Variants in CCSER1 observed in about 807,000 individuals in gnomAD.
The protein encoded by CCSER1 is serine-rich coiled-coil domain-containing protein 1.
A neutral mutation model predicts 82.0 loss-of-function variants in CCSER1; 41 were observed. The observed-to-expected ratio is 0.50, with a 90% confidence interval of 0.39 to 0.65. CCSER1 has a LOEUF of 0.65. CCSER1 is among the 30% of genes least tolerant of loss of function. The probability of loss-of-function intolerance (pLI) is 0.00; values close to 1 mark genes in which losing one functional copy is unlikely to be tolerated. For missense variants in CCSER1, 1,119 were observed against 1,064.2 expected (o/e 1.05, Z -0.72); for synonymous variants, 414 against 383.9 (o/e 1.08, Z -0.92).
intron 10 of CCSER1, among the ~76,000 whole-genome samples, chr4:91,552,646 T>A (rs748750328): frequency 1.3e-5 from 2 of 151,498 alleles, no homozygotes; most frequent in Non-Finnish European, 2.9e-5. Flanking sequence ...CTCAAAAGAG[T>A]GGAAGCAACA....
At chr4:90,195,719 T>TA (rs1019778165) in intron 1 of CCSER1, among the ~76,000 whole-genome samples, 1 of 152,080 alleles carries the variant, frequency 6.6e-6, no homozygotes, top group African/African-American at 2.4e-5. Context: ...CTCTAAAAAA[T>TA]AAAATCTGTT....
intron 1 of CCSER1, among the ~76,000 whole-genome samples, chr4:90,264,082 G>C (rs532956740): frequency 2.4e-3 from 372 of 152,294 alleles, no homozygotes; most frequent in Non-Finnish European, 4.3e-3. Flanking sequence ...ATAGTAAAGA[G>C]GACCTCTTGT....
chr4:91,157,733 C>T (rs185242265), intron 10 of CCSER1, among the ~76,000 whole-genome samples: 4 of 151,910 alleles, frequency 2.6e-5, no homozygotes, highest in African/African-American at 9.7e-5. Context: ...AAACCTGATG[C>T]CCTAAGTACA....
intron 6 of CCSER1, among the ~76,000 whole-genome samples, chr4:90,706,633 T>C (rs1011986542): frequency 6.6e-6 from 1 of 152,136 alleles, no homozygotes; most frequent in Non-Finnish European, 1.5e-5. Context: ...TTGAGAGAAT[T>C]TGGACAAGGA....
intron 10 of CCSER1, among the ~76,000 whole-genome samples, chr4:91,263,756 AAAT>A (rs1352532265): frequency 1.3e-5 from 2 of 152,008 alleles, no homozygotes; most frequent in African/African-American, 4.8e-5. Flanking sequence ...TTTTATGGAA[AAAT>A]AATAATAATT....
At chr4:90,842,980 A>G (rs1762761171) in intron 8 of CCSER1, among the ~76,000 whole-genome samples, 1 of 152,202 alleles carries the variant, frequency 6.6e-6, no homozygotes, top group Non-Finnish European at 1.5e-5. Flanking sequence ...AGGTTGGCAG[A>G]GCACATGAAA....
intron 10 of CCSER1, among the ~76,000 whole-genome samples, chr4:91,353,768 C>G (rs1438618462): frequency 6.6e-6 from 1 of 152,168 alleles, no homozygotes; most frequent in Non-Finnish European, 1.5e-5. Context: ...TGGAGAAATA[C>G]AGGTATCAGA....
chr4:90,281,088 G>A (rs1392771056), intron 1 of CCSER1, among the ~76,000 whole-genome samples: 1 of 152,022 alleles, frequency 6.6e-6, no homozygotes, highest in African/African-American at 2.4e-5. Context: ...CCTTGTTGTA[G>A]TGTGGATGTT....
intron 10 of CCSER1, among the ~76,000 whole-genome samples, chr4:91,200,449 G>C (rs1309581823): frequency 6.6e-6 from 1 of 151,914 alleles, no homozygotes; most frequent in Non-Finnish European, 1.5e-5. Flanking sequence ...AATGCATTTT[G>C]GAAAAACCAA....
In CCSER1 at chr4:90,863,841, A is replaced by G. The variant is rs201528688; in HGVS notation, c.2094+47996A>G. On this transcript the variant is annotated intron_variant, in intron 8 of 10. Transcript: ENST00000509176. ...TGGCAGCATGGTAGTTCTATGTAAA[A>G]ACACTTTGTCATTAAAACACCAACA... 6.6e-5 allele frequency among the ~76,000 whole-genome samples: 10 copies of G among 151,970 alleles called. No individual in the cohort carries two copies. In the East Asian group the frequency reaches 1.9e-3, roughly 29 times the overall value.
chr4:91,045,435 C>T (rs1742365041), intron 9 of CCSER1, among the ~76,000 whole-genome samples: 1 of 151,954 alleles, frequency 6.6e-6, no homozygotes, highest in African/African-American at 2.4e-5. Context: ...TCTGTTTTTA[C>T]AATAGAGATA....
intron 4 of CCSER1, among the ~76,000 whole-genome samples, chr4:90,421,270 C>G (rs1302291176): frequency 6.6e-6 from 1 of 152,116 alleles, no homozygotes; most frequent in Non-Finnish European, 1.5e-5. Context: ...TTTTCTGATA[C>G]TCTATCTTAT....
chr4:90,623,314 G>A (rs1431682730), intron 5 of CCSER1, among the ~76,000 whole-genome samples: 3 of 151,704 alleles, frequency 2.0e-5, no homozygotes, highest in Non-Finnish European at 4.4e-5. Context: ...GATTACAGGC[G>A]TGAGCCACTG....
At chr4:91,169,763 T>G in intron 10 of CCSER1, among the ~76,000 whole-genome samples, 1 of 148,006 alleles carries the variant, frequency 6.8e-6, no homozygotes, top group African/African-American at 2.5e-5. Flanking sequence ...TTCTGGTAAT[T>G]AAAAAAAAAA....
Position 90,483,324 on chromosome 4 carries a change from C to A in CCSER1, c.1724+14970C>A, listed in dbSNP as rs548013465. 2.0e-5 allele frequency among the ~76,000 whole-genome samples: 3 copies of A among 152,276 alleles called. No homozygotes were observed. The South Asian group carries it at 6.2e-4, about 32-fold the overall frequency. Reference sequence around the variant, plus strand: ...ACACTAATGGGTCTTGACTCTTTATCCAATTTGCCAGTCTGTGTCTTTTCA... The same window carrying A: ...ACACTAATGGGTCTTGACTCTTTATACAATTTGCCAGTCTGTGTCTTTTCA... On this transcript the variant is annotated intron_variant, in intron 5 of 10. Transcript: ENST00000509176.
At chr4:91,534,314 G>T (rs73838037) in intron 10 of CCSER1, among the ~76,000 whole-genome samples, 15,369 of 151,582 alleles carry the variant, frequency 0.1, 846 homozygotes, top group South Asian at 0.21. Context: ...AATTCTTTCC[G>T]CTCTCTTCCT....
intron 10 of CCSER1, among the ~76,000 whole-genome samples, chr4:91,326,053 T>C (rs1746540177): frequency 6.6e-6 from 1 of 151,946 alleles, no homozygotes; most frequent in Admixed American, 6.6e-5. Context: ...AGACTGAGAA[T>C]ATGTCATAAA....
chr4:90,257,407 G>A (rs1324522046), intron 1 of CCSER1, among the ~76,000 whole-genome samples: 2 of 152,002 alleles, frequency 1.3e-5, no homozygotes, highest in African/African-American at 2.4e-5. Context: ...ATATTTTTTG[G>A]TGTATTTAAA....
At chr4:90,653,189 C>T (rs1306539877) in intron 6 of CCSER1, among the ~76,000 whole-genome samples, 2 of 151,842 alleles carry the variant, frequency 1.3e-5, no homozygotes, top group East Asian at 3.9e-4. Flanking sequence ...TTTATGTGTG[C>T]TTGTTTTTAT....
Sources: gnomAD v4.1 joint callset for allele counts (sites outside exome capture counted in the v4.1 genomes callset) on GRCh38, gnomAD v4.1.1 for gene constraint, MANE v1.5 for transcripts, NCBI Gene and HGNC (gene_info 2026-07-23, HGNC 2026-07-21) for gene names.